CORIN: variants seen among roughly 807,000 people sequenced by gnomAD.
The protein encoded by CORIN is corin, serine peptidase, also known as atrial natriuretic peptide-converting enzyme.
A neutral mutation model predicts 125.3 loss-of-function variants in CORIN; 117 were observed. The observed-to-expected ratio is 0.93, with a 90% CI of 0.80 to 1.09. The LOEUF is 1.09. CORIN is among the 50% of genes least tolerant of loss of function. The probability of loss-of-function intolerance (pLI) is 0.00; values close to 1 mark genes in which losing one functional copy is unlikely to be tolerated. For synonymous variants in CORIN, 450 were observed against 466.4 expected (o/e 0.96, Z 0.45); for missense variants, 1,253 against 1,306.7 (o/e 0.96, Z 0.63).
chr4:47,619,240 A>G (rs183958312), intron 19 of CORIN, among the ~76,000 whole-genome samples: 1 of 152,228 alleles, frequency 6.6e-6, no homozygotes, highest in East Asian at 1.9e-4. Context: ...TTCATTTGGG[A>G]TTTTTATCTA....
At chr4:47,686,127 C>T (rs575182595) in intron 6 of CORIN, among the ~76,000 whole-genome samples, 11 of 150,228 alleles carry the variant, frequency 7.3e-5, no homozygotes, top group African/African-American at 2.5e-4. Context: ...AAATATGACA[C>T]TTACATATAC....
At chr4:47,724,522 G>C (rs147141827) in intron 5 of CORIN, among the ~76,000 whole-genome samples, 3 of 152,164 alleles carry the variant, frequency 2.0e-5, no homozygotes, top group African/African-American at 7.2e-5. Context: ...TATAAATTTA[G>C]ACTCAAGAAC....
intron 5 of CORIN, among the ~76,000 whole-genome samples, chr4:47,700,728 T>A (rs1179707582): frequency 6.6e-6 from 1 of 152,186 alleles, no homozygotes; most frequent in East Asian, 1.9e-4. Context: ...CAGCCATTCC[T>A]TTTGGAGGTC....
chr4:47,715,623 T>C (rs949927668), intron 5 of CORIN, among the ~76,000 whole-genome samples: 6 of 152,094 alleles, frequency 3.9e-5, no homozygotes, highest in African/African-American at 9.7e-5. Context: ...GGGAGCATGA[T>C]ATTGGAACCA....
At chr4:47,671,571 C>T (rs528713135) in intron 10 of CORIN, among the ~76,000 whole-genome samples, 6 of 151,978 alleles carry the variant, frequency 3.9e-5, no homozygotes, top group South Asian at 4.2e-4. Context: ...TAGGCACATA[C>T]GCCTTATTTT....
chr4:47,643,145 C>A lies in CORIN; in HGVS notation c.2068+1G>T. On this transcript the variant is annotated splice_donor_variant, in intron 15 of 21. Transcript: ENST00000273857. LOFTEE classifies it high-confidence loss of function. ...ACAGATGGCAGAAACAAGTAGCTCA[C>A]CACAGTCCCATTCATCTGAACTGTC... 1 of 1,614,120 alleles carries A rather than the reference C, an allele frequency of 6.2e-7. No homozygotes were observed. The highest frequency in any genetic ancestry group is 2.2e-5 in the East Asian group (1 of 44,862).
intron 2 of CORIN, among the ~76,000 whole-genome samples, chr4:47,794,130 G>A (rs901588443): frequency 6.6e-6 from 1 of 152,152 alleles, no homozygotes; most frequent in Non-Finnish European, 1.5e-5. Flanking sequence ...AAAGATCATA[G>A]AGAATCTTAA....
chr4:47,762,620 C>T (rs1025951560), intron 4 of CORIN, among the ~76,000 whole-genome samples: 3 of 152,128 alleles, frequency 2.0e-5, no homozygotes, highest in Non-Finnish European at 2.9e-5. Context: ...GGAAGAACCA[C>T]CCAACATCTA....
intron 1 of CORIN, among the ~76,000 whole-genome samples, chr4:47,816,229 G>A (rs1402940596): frequency 6.6e-6 from 1 of 152,134 alleles, no homozygotes; most frequent in Non-Finnish European, 1.5e-5. Context: ...TACAAGTAAT[G>A]ATGTTATGCA....
At chr4:47,812,538 C>T (rs905025006) in intron 1 of CORIN, among the ~76,000 whole-genome samples, 4 of 151,990 alleles carry the variant, frequency 2.6e-5, no homozygotes, top group African/African-American at 4.8e-5. Flanking sequence ...ATATGCACTA[C>T]ATTAGGAGAA....
intron 5 of CORIN, among the ~76,000 whole-genome samples, chr4:47,735,073 T>A (rs185434082): frequency 6.6e-6 from 1 of 152,374 alleles, no homozygotes; most frequent in African/African-American, 2.4e-5. Flanking sequence ...TTAGTTGTAT[T>A]TATAAAGTGG....
Position 47,812,001 on chromosome 4 carries a change from G to C in CORIN, c.64-4954C>G, listed in dbSNP as rs187183274. On this transcript the variant is annotated intron_variant, in intron 1 of 21. Transcript: ENST00000273857. ...TATATGTGTATTTTTAAATTTGCAT[G>C]TTTAATTTGATAATCAAACTAAAAT... Among the ~76,000 whole-genome samples the C allele has an allele frequency of 1.3e-3, 198 of 152,240 alleles. No homozygotes were observed. In the Middle Eastern group the frequency reaches 0.02, roughly 16 times the overall value.
chr4:47,783,541 G>C (rs1451381662), intron 3 of CORIN, among the ~76,000 whole-genome samples: 5 of 151,998 alleles, frequency 3.3e-5, no homozygotes, highest in Non-Finnish European at 4.4e-5. Flanking sequence ...CAGGATATTT[G>C]GGTAGAATAG....
intron 16 of CORIN, among the ~76,000 whole-genome samples, chr4:47,630,277 A>G (rs920958348): frequency 1.1e-4 from 17 of 152,230 alleles, no homozygotes; most frequent in Admixed American, 2.6e-4. Flanking sequence ...ATACATGCAC[A>G]TCAAGAATAT....
chr4:47,805,380 A>G (rs1283382624), intron 2 of CORIN, among the ~76,000 whole-genome samples: 1 of 152,112 alleles, frequency 6.6e-6, no homozygotes, highest in East Asian at 1.9e-4. Flanking sequence ...TACCCAAGCC[A>G]GAAATCCAGG....
chr4:47,737,294 GTGTC>G (rs1687965353), intron 5 of CORIN, among the ~76,000 whole-genome samples: 1 of 152,238 alleles, frequency 6.6e-6, no homozygotes, highest in Admixed American at 6.5e-5. Flanking sequence ...GATCATATAT[GTGTC>G]TGGCCCATAT....
rs570838151 is a variant in CORIN, at chr4:47,657,639, T to G, written c.1736-3979A>C. On this transcript the variant is annotated intron_variant, in intron 12 of 21. Coordinates refer to ENST00000273857, the MANE Select transcript of CORIN (RefSeq NM_006587.4). Reference sequence around the variant, plus strand: ...CAGGCTTTAAAGGAGGCCTAGAGTCTGCTTGGTTTCTAGGGAGGCCTCACG... The same window carrying G: ...CAGGCTTTAAAGGAGGCCTAGAGTCGGCTTGGTTTCTAGGGAGGCCTCACG... 7.9e-5 allele frequency among the ~76,000 whole-genome samples: 12 copies of G among 152,116 alleles called. No individual in the cohort carries two copies. In the South Asian group the frequency reaches 1.7e-3, roughly 21 times the overall value.
chr4:47,633,302 T>C lies in CORIN; in HGVS notation c.2199-6781A>G, dbSNP rs146557214. The stretch of plus-strand genomic sequence containing the variant: ...CATTTCCAATATAAAAATTACAAAA[T>C]TGTAATGTGAACTAAAATTTAAATT... On this transcript the variant is annotated intron_variant, in intron 16 of 21. Coordinates refer to ENST00000273857, the MANE Select transcript of CORIN (RefSeq NM_006587.4). Among the ~76,000 whole-genome samples, 406 of 152,186 alleles carry C rather than the reference T, an allele frequency of 2.7e-3. 6 individuals carry two copies. The highest frequency in any genetic ancestry group is 9.5e-3 in the East Asian group (49 of 5,184).
chr4:47,627,066 G>A (rs10029890), intron 16 of CORIN, among the ~76,000 whole-genome samples: 2 of 151,468 alleles, frequency 1.3e-5, no homozygotes, highest in Non-Finnish European at 2.9e-5. Context: ...TCACTGCAAC[G>A]TCTGCCTCAG....
Sources: gnomAD v4.1 joint callset for allele counts (sites outside exome capture counted in the v4.1 genomes callset) on GRCh38, gnomAD v4.1.1 for gene constraint, MANE v1.5 for transcripts, NCBI Gene and HGNC (gene_info 2026-07-23, HGNC 2026-07-21) for gene names.